EYS: variants seen among roughly 807,000 people sequenced by gnomAD.
The protein encoded by EYS is EGF-like photoreceptor maintenance factor.
Under a neutral mutation model 282.1 loss-of-function variants are expected in EYS, and 250 were observed. The ratio of observed to expected loss-of-function variants is 0.89; its 90% CI spans 0.80 to 0.98. The LOEUF (loss-of-function observed/expected upper bound fraction) is 0.98. Ranked by LOEUF, EYS falls within the 50% of genes least tolerant of loss-of-function variation. The probability of loss-of-function intolerance (pLI) is 0.00; values close to 1 mark genes in which losing one functional copy is unlikely to be tolerated. For missense variants in EYS, 4,016 were observed against 3,709.0 expected (o/e 1.08, Z -2.15); for synonymous variants, 1,355 against 1,282.9 (o/e 1.06, Z -1.20).
chr6:64,366,493 T>A (rs965321825), intron 29 of EYS, among the ~76,000 whole-genome samples: 1 of 152,168 alleles, frequency 6.6e-6, no homozygotes, highest in South Asian at 2.1e-4. Context: ...ATTTAAAAAA[T>A]TTGTCATTTT....
chr6:64,669,152 CAT>C (rs1441984243), intron 22 of EYS, among the ~76,000 whole-genome samples: 5 of 152,068 alleles, frequency 3.3e-5, no homozygotes, highest in Non-Finnish European at 5.9e-5. Flanking sequence ...CAGTTTGAAA[CAT>C]AAGTAATTGA....
chr6:63,918,472 A>G (rs1764481430), intron 35 of EYS, among the ~76,000 whole-genome samples: 1 of 152,194 alleles, frequency 6.6e-6, no homozygotes, highest in Non-Finnish European at 1.5e-5. Flanking sequence ...ATTGTGTTAC[A>G]TGCTAAGATG....
chr6:64,795,726 C>A (rs910274401), intron 22 of EYS, among the ~76,000 whole-genome samples: 8 of 152,258 alleles, frequency 5.3e-5, no homozygotes, highest in African/African-American at 1.9e-4. Context: ...CTTCAGTGGG[C>A]AGGTAAACTC....
At chr6:63,834,113 G>C (rs952524284) in intron 36 of EYS, among the ~76,000 whole-genome samples, 1 of 152,146 alleles carries the variant, frequency 6.6e-6, no homozygotes, top group Non-Finnish European at 1.5e-5. Context: ...AACTCTAGAA[G>C]AAAACCTAGG....
intron 28 of EYS, among the ~76,000 whole-genome samples, chr6:64,405,189 A>G (rs1773666885): frequency 6.6e-6 from 1 of 152,116 alleles, no homozygotes; most frequent in Admixed American, 6.6e-5. Context: ...ACATCCATGA[A>G]GTGACATGTC....
intron 26 of EYS, among the ~76,000 whole-genome samples, chr6:64,540,691 C>A (rs1206510731): frequency 1.3e-5 from 2 of 151,962 alleles, no homozygotes; most frequent in Non-Finnish European, 2.9e-5. Context: ...GCCATGTTGG[C>A]CAGGCTGGTC....
At chr6:64,356,191 T>C (rs1771819499) in intron 29 of EYS, among the ~76,000 whole-genome samples, 1 of 151,578 alleles carries the variant, frequency 6.6e-6, no homozygotes, top group South Asian at 2.1e-4. Context: ...CATTTATGTT[T>C]TTATATTTTT....
In EYS at chr6:63,720,867, A is replaced by G; in HGVS notation, c.9164T>C (p.Leu3055Pro). ...HHVVVIQNQTLIKAYINNSLI... is the reference protein window; with the variant it reads ...HHVVVIQNQTPIKAYINNSLI... ...ACTGTTATTTATGTAGGCCTTGATAAGAGTCTGATTTTGAATTACAACTAC... is the reference window on the plus strand; with the variant it reads ...ACTGTTATTTATGTAGGCCTTGATAGGAGTCTGATTTTGAATTACAACTAC... The change falls in exon 43 of 43, where the codon CTT becomes CCT. Residue 3055 changes from leucine (L) to proline (P), a missense_variant. Leu to Pro is a moderately conservative substitution (Grantham distance 98, BLOSUM62 -3). Transcript: ENST00000503581. 1 of 1,551,206 alleles carries G rather than the reference A, an allele frequency of 6.4e-7. No individual in the cohort carries two copies. Among genetic ancestry groups the G allele is most frequent in the African/African-American group, 1.4e-5 (1 of 73,152 alleles).
intron 31 of EYS, among the ~76,000 whole-genome samples, chr6:64,187,625 G>A (rs1389195700): frequency 6.6e-6 from 1 of 152,050 alleles, no homozygotes; most frequent in Non-Finnish European, 1.5e-5. Flanking sequence ...CTACCCAACA[G>A]AATAGTAAGA....
At chr6:64,634,111 G>A (rs971007461) in intron 22 of EYS, among the ~76,000 whole-genome samples, 1 of 152,170 alleles carries the variant, frequency 6.6e-6, no homozygotes, top group Admixed American at 6.5e-5. Context: ...AGCCTCCCAA[G>A]TAGCTGGGAC....
intron 36 of EYS, chr6:63,822,294 A>G (rs1022980389): frequency 1.3e-5 from 2 of 152,116 alleles, no homozygotes; most frequent in African/African-American, 4.8e-5. Context: ...TTATATTTTT[A>G]GTAGAAACAG....
chr6:64,293,191 C>T (rs1015903557), intron 30 of EYS, among the ~76,000 whole-genome samples: 18 of 152,026 alleles, frequency 1.2e-4, no homozygotes, highest in Non-Finnish European at 7.4e-5. Flanking sequence ...AAACTGGTCA[C>T]TTTATTGCTA....
intron 28 of EYS, among the ~76,000 whole-genome samples, chr6:64,391,906 G>A (rs1289140148): frequency 6.6e-6 from 1 of 151,994 alleles, no homozygotes; most frequent in Non-Finnish European, 1.5e-5. Flanking sequence ...ACACACATAG[G>A]CTCAAAATAA....
chr6:64,617,272 AG>A, intron 24 of EYS, 145 bp downstream of exon 24: 1 of 609,564 alleles, frequency 1.6e-6, no homozygotes. Flanking sequence ...AGGAATGCCG[AG>A]AAAAGTGTAG....
At position 64,591,058 on chromosome 6, in the gene EYS, T is replaced by C; in HGVS notation, c.4809A>G (p.Gln1603=). The part of the protein sequence containing the change: ...LASWYALMGA[Q]TITSGHSFSS... ...AAAATGAATGCCCAGAAGTGATAGT[T>C]TGAGCTCCCATTAGTGCATACCAGC... The change falls in exon 26 of 43, where the codon CAA becomes CAG. Residue 1603 remains glutamine (Q), a synonymous_variant. Transcript: ENST00000503581. 1.3e-6 allele frequency: 2 copies of C among 1,551,340 alleles called. No individual in the cohort carries two copies. Among genetic ancestry groups the C allele is most frequent in the Non-Finnish European group, 1.7e-6 (2 of 1,146,778 alleles).
intron 35 of EYS, among the ~76,000 whole-genome samples, chr6:63,937,237 T>C (rs1310890032): frequency 6.6e-6 from 1 of 151,008 alleles, no homozygotes; most frequent in Non-Finnish European, 1.5e-5. Flanking sequence ...GAGGTAGGAG[T>C]GAGGCAAGTG....
At chr6:65,243,369 T>C (rs1439091694) in intron 12 of EYS, among the ~76,000 whole-genome samples, 2 of 152,158 alleles carry the variant, frequency 1.3e-5, no homozygotes, top group Non-Finnish European at 2.9e-5. Flanking sequence ...GAGTTACTGG[T>C]GGCCTGCCCC....
At chr6:65,109,977 T>G (rs755042625) in intron 12 of EYS, among the ~76,000 whole-genome samples, 1 of 152,164 alleles carries the variant, frequency 6.6e-6, no homozygotes, top group Non-Finnish European at 1.5e-5. Context: ...AAAATAAGAC[T>G]AGCCTTTCTT....
intron 35 of EYS, among the ~76,000 whole-genome samples, chr6:63,904,592 T>A (rs1026989054): frequency 6.6e-6 from 1 of 152,140 alleles, no homozygotes; most frequent in Non-Finnish European, 1.5e-5. Context: ...TCTGGGAAGA[T>A]GAGCAAGTAT....
Sources: allele counts gnomAD v4.1 joint callset (sites outside exome capture counted in the v4.1 genomes callset), GRCh38; gene constraint gnomAD v4.1.1; transcripts MANE v1.5; gene names NCBI Gene and HGNC (gene_info 2026-07-23, HGNC 2026-07-21).